Variants in RAD51B observed in about 807,000 individuals in gnomAD.
RAD51B encodes DNA repair protein RAD51 homolog 2.
Under a neutral mutation model 42.2 loss-of-function variants are expected in RAD51B, and 38 were observed. The ratio of observed to expected loss-of-function variants is 0.90; its 90% CI spans 0.70 to 1.18. The LOEUF is 1.18. RAD51B is among the 50% of genes most tolerant of loss of function. The pLI, the probability that RAD51B is intolerant of heterozygous loss-of-function variation, is 0.00. For synonymous variants in RAD51B, 154 were observed against 145.2 expected, an observed-to-expected ratio of 1.06 and a Z score of -0.43; for missense variants, 373 against 400.7, an observed-to-expected ratio of 0.93 and a Z score of 0.59.
chr14:68,159,446 C>T (rs552801963), intron 7 of RAD51B, among the ~76,000 whole-genome samples: 147 of 151,922 alleles, frequency 9.7e-4, no homozygotes, highest in African/African-American at 3.5e-3. Flanking sequence ...ATGGTGAAAC[C>T]CTGTCTCTAC....
At chr14:68,470,866 G>C in intron 10 of RAD51B, 1 of 339,460 alleles carries the variant, frequency 2.9e-6, no homozygotes, top group South Asian at 3.9e-5. Flanking sequence ...CCTAGGAGAG[G>C]ATGTACTCAT....
intron 7 of RAD51B, among the ~76,000 whole-genome samples, chr14:68,152,059 G>A (rs941170933): frequency 2.0e-5 from 3 of 151,824 alleles, no homozygotes; most frequent in African/African-American, 7.3e-5. Flanking sequence ...GGTCAGGCTG[G>A]TTTCGAACTC....
At chr14:68,440,133 A>G (rs2085250507) in intron 9 of RAD51B, among the ~76,000 whole-genome samples, 1 of 150,552 alleles carries the variant, frequency 6.6e-6, no homozygotes, top group Non-Finnish European at 1.5e-5. Context: ...TTGGCTAGTA[A>G]TAATGGTTGT....
chr14:68,559,265 T>C (rs2140013741), intron 10 of RAD51B, among the ~76,000 whole-genome samples: 1 of 152,192 alleles, frequency 6.6e-6, no homozygotes, highest in East Asian at 1.9e-4. Context: ...ACACCTGTAA[T>C]TTGTACTCAT....
At chr14:68,470,165 A>G (rs1381265174) in intron 10 of RAD51B, among the ~76,000 whole-genome samples, 1 of 152,208 alleles carries the variant, frequency 6.6e-6, no homozygotes, top group Non-Finnish European at 1.5e-5. Flanking sequence ...AAAATTCAGG[A>G]AAATGTCTTA....
At chr14:68,197,067 A>AT (rs962870777) in intron 7 of RAD51B, among the ~76,000 whole-genome samples, 23 of 152,210 alleles carry the variant, frequency 1.5e-4, no homozygotes, top group East Asian at 9.6e-4. Flanking sequence ...AAATGCAATG[A>AT]TTTTTTTTAA....
At chr14:68,500,475 G>C (rs1048395241) in intron 10 of RAD51B, among the ~76,000 whole-genome samples, 1 of 152,238 alleles carries the variant, frequency 6.6e-6, no homozygotes. Flanking sequence ...CGGGCCAGCA[G>C]CCCGTAGCAC....
intron 8 of RAD51B, among the ~76,000 whole-genome samples, chr14:68,399,685 TATC>T (rs1566858808): frequency 1.3e-5 from 2 of 152,248 alleles, no homozygotes; most frequent in Non-Finnish European, 2.9e-5. Context: ...AAGTTACAGA[TATC>T]ATATCCTTTC....
chr14:68,115,254 A>G (rs1387435965), intron 7 of RAD51B, among the ~76,000 whole-genome samples: 1 of 136,786 alleles, frequency 7.3e-6, no homozygotes, highest in Non-Finnish European at 1.5e-5. Context: ...AGGGACATGG[A>G]TGAAATTGGA....
In RAD51B at chr14:67,975,426, C is replaced by T. The variant is rs569848647; in HGVS notation, c.756+88222C>T. Among the ~76,000 whole-genome samples the T allele has an allele frequency of 2.0e-5, 3 of 152,312 alleles. No individual in the cohort carries two copies. In the South Asian group the frequency reaches 6.2e-4, roughly 32 times the overall value. On this transcript the variant is annotated intron_variant, in intron 7 of 10. Transcript: ENST00000471583. ...GCATTCAAAGCCTTCCATAAACCAGCCTTATCATATTTATTCAACCATAAA... is the reference window on the plus strand; with the variant it reads ...GCATTCAAAGCCTTCCATAAACCAGTCTTATCATATTTATTCAACCATAAA...
At chr14:68,407,839 G>A (rs1412099824) in intron 8 of RAD51B, among the ~76,000 whole-genome samples, 1 of 152,170 alleles carries the variant, frequency 6.6e-6, no homozygotes. Context: ...GAACACAGTT[G>A]TGGGAAATGG....
intron 7 of RAD51B, among the ~76,000 whole-genome samples, chr14:68,226,175 C>A (rs1184256929): frequency 6.6e-6 from 1 of 152,168 alleles, no homozygotes; most frequent in Non-Finnish European, 1.5e-5. Flanking sequence ...TGATGTACTG[C>A]AATTAGTTGA....
intron 8 of RAD51B, among the ~76,000 whole-genome samples, chr14:68,294,650 A>G (rs2081578774): frequency 6.6e-6 from 1 of 152,220 alleles, no homozygotes; most frequent in East Asian, 1.9e-4. Context: ...GCTCTAGCAT[A>G]TAAGATCATG....
At chr14:67,944,201 ATTTTTTTT>A (rs370785745) in intron 7 of RAD51B, among the ~76,000 whole-genome samples, 7 of 130,102 alleles carry the variant, frequency 5.4e-5, no homozygotes, top group South Asian at 2.5e-4. Context: ...AGAAGTAAAG[ATTTTTTTT>A]TTTTTTTTTT....
intron 9 of RAD51B, among the ~76,000 whole-genome samples, chr14:68,418,202 T>C (rs894636805): frequency 2.6e-5 from 4 of 152,214 alleles, no homozygotes; most frequent in Admixed American, 2.6e-4. Context: ...GTAAAGGCAC[T>C]TTAACACCAA....
chr14:68,604,402 G>A (rs895453332), intron 10 of RAD51B, among the ~76,000 whole-genome samples: 2 of 152,168 alleles, frequency 1.3e-5, no homozygotes, highest in South Asian at 4.1e-4. Context: ...TACAATTATC[G>A]GTGGCCACTG....
intron 9 of RAD51B, 136 bp from the exon 10 acceptor site, chr14:68,468,036 T>C (rs2140232638): frequency 1.4e-6 from 1 of 731,556 alleles, no homozygotes; most frequent in Non-Finnish European, 2.3e-6. Context: ...GGTTATAAAA[T>C]GGTTTTTTTT....
intron 10 of RAD51B, among the ~76,000 whole-genome samples, chr14:68,571,253 T>C (rs1466153393): frequency 1.3e-5 from 2 of 152,246 alleles, no homozygotes; most frequent in African/African-American, 4.8e-5. Context: ...GGTTGGTTAA[T>C]GTGCCCATTT....
At chr14:68,180,162 C>T (rs2079036437) in intron 7 of RAD51B, among the ~76,000 whole-genome samples, 1 of 152,168 alleles carries the variant, frequency 6.6e-6, no homozygotes, top group Admixed American at 6.5e-5. Flanking sequence ...CCACCTGTCA[C>T]CTTAAAATAC....
Sources: gnomAD v4.1 joint callset for allele counts (sites outside exome capture counted in the v4.1 genomes callset) on GRCh38, gnomAD v4.1.1 for gene constraint, MANE v1.5 for transcripts, NCBI Gene and HGNC (gene_info 2026-07-23, HGNC 2026-07-21) for gene names.